Variants in PCDHGB4 observed in about 807,000 individuals in gnomAD.
PCDHGB4 encodes the protein protocadherin gamma-B4.
Under a neutral mutation model 60.5 loss-of-function variants are expected in PCDHGB4, and 38 were observed. The ratio of observed to expected loss-of-function variants is 0.63; its 90% confidence interval spans 0.48 to 0.82. The LOEUF (loss-of-function observed/expected upper bound fraction) is 0.82, where lower values mean the gene tolerates loss of function less well. Ranked by LOEUF, PCDHGB4 falls within the 40% of genes least tolerant of loss-of-function variation. The pLI is 0.00. For missense variants in PCDHGB4, 1,109 were observed against 1,209.6 expected, an observed-to-expected ratio of 0.92 and a Z score of 1.23; for synonymous variants, 456 against 509.7, an observed-to-expected ratio of 0.89 and a Z score of 1.42.
At chr5:141,502,400 C>T (rs964923206) in intron 2 of PCDHGB4, among the ~76,000 whole-genome samples, 2 of 151,748 alleles carry the variant, frequency 1.3e-5, no homozygotes, top group African/African-American at 4.8e-5. Flanking sequence ...AAAATGTCCC[C>T]GAACCTGGAT....
At chr5:141,507,380 C>G (rs984406173) in intron 3 of PCDHGB4, 1 of 151,954 alleles carries the variant, frequency 6.6e-6, no homozygotes, top group African/African-American at 2.4e-5. Flanking sequence ...CTTTTATTTA[C>G]TAAATCTGGC....
At chr5:141,417,900 G>T (rs563876979) in intron 1 of PCDHGB4, 1 of 1,583,452 alleles carries the variant, frequency 6.3e-7, no homozygotes, top group African/African-American at 1.3e-5. Flanking sequence ...GCCGGCCCGC[G>T]GCAGGTACTA....
intron 1 of PCDHGB4, chr5:141,403,278 T>C (rs1254967384): frequency 1.2e-6 from 2 of 1,613,784 alleles, no homozygotes; most frequent in Non-Finnish European, 1.7e-6. Context: ...TTTAAAGTCC[T>C]GGTTGAAGAC....
At position 141,431,667 on chromosome 5, in the gene PCDHGB4, C is replaced by T. The variant is rs759257105; in HGVS notation, c.2397+41386C>T. ...GATTGTAATTCAGGGACAATATCAA[C>T]AATAGGGGAGTTGGACCACGAGGAG... On this transcript the variant is annotated intron_variant, in intron 1 of 3. Coordinates refer to ENST00000519479, the MANE Select transcript of PCDHGB4 (RefSeq NM_003736.4). This position sits in a 1 kb window ranked among gnomAD's most constrained non-coding sequence, Gnocchi z 4.8. 1 of 1,614,226 alleles carries T rather than the reference C, an allele frequency of 6.2e-7. No individual in the cohort carries two copies. The highest frequency in any genetic ancestry group is 1.3e-5 in the African/African-American group (1 of 75,072).
intron 1 of PCDHGB4, among the ~76,000 whole-genome samples, chr5:141,447,104 A>G (rs1212797996): frequency 2.0e-5 from 3 of 151,958 alleles, no homozygotes; most frequent in African/African-American, 7.3e-5. Flanking sequence ...TCACATGATT[A>G]TATGTGCTCC....
chr5:141,455,162 T>G (rs1002208156), intron 1 of PCDHGB4, among the ~76,000 whole-genome samples: 5 of 150,972 alleles, frequency 3.3e-5, no homozygotes, highest in African/African-American at 7.3e-5. Context: ...GTTTGTTGGT[T>G]TTTTTTTTAG....
chr5:141,502,003 G>A (rs945565369), intron 2 of PCDHGB4, among the ~76,000 whole-genome samples: 17 of 151,966 alleles, frequency 1.1e-4, no homozygotes, highest in Admixed American at 1.1e-3. Flanking sequence ...CTGACAACCC[G>A]CATGCTCTCC....
chr5:141,509,233 AG>A (rs1204393769), intron 3 of PCDHGB4, among the ~76,000 whole-genome samples: 1 of 152,104 alleles, frequency 6.6e-6, no homozygotes, highest in Non-Finnish European at 1.5e-5. Context: ...TTGATGTCCC[AG>A]GATTACTCAG....
At chr5:141,407,622 A>G (rs2094961891) in intron 1 of PCDHGB4, among the ~76,000 whole-genome samples, 3 of 152,316 alleles carry the variant, frequency 2.0e-5, no homozygotes, top group South Asian at 2.1e-4. Context: ...TTGACATTCT[A>G]TATCTCGTAT....
chr5:141,409,248 T>A (rs779725312), intron 1 of PCDHGB4: 3 of 1,614,032 alleles, frequency 1.9e-6, no homozygotes, highest in South Asian at 2.2e-5. Context: ...GAAATAATCA[T>A]CACTTCTCTC....
intron 1 of PCDHGB4, among the ~76,000 whole-genome samples, chr5:141,453,176 C>A (rs1225418058): frequency 6.6e-6 from 1 of 152,042 alleles, no homozygotes; most frequent in African/African-American, 2.4e-5. Flanking sequence ...TCCAGTGGTA[C>A]AATCACAGCT....
Position 141,387,840 on chromosome 5 carries a change from C to A in PCDHGB4, c.-45C>A. On this transcript the variant is annotated 5_prime_UTR_variant, in exon 1 of 4. Coordinates refer to ENST00000519479, the MANE Select transcript of PCDHGB4 (RefSeq NM_003736.4). Reference sequence around the variant, plus strand: ...TCTGCAATACAGAGGTTATTTGTAACCCGGCGTCTCCAGGCTGGTGAGCAA... The same window carrying A: ...TCTGCAATACAGAGGTTATTTGTAAACCGGCGTCTCCAGGCTGGTGAGCAA... 1 of 1,597,864 alleles carries A rather than the reference C, an allele frequency of 6.3e-7. No homozygotes were observed. The highest frequency in any genetic ancestry group is 1.3e-5 in the African/African-American group (1 of 74,596).
At chr5:141,410,625 G>A (rs202058499) in intron 1 of PCDHGB4, 1 of 1,602,442 alleles carries the variant, frequency 6.2e-7, no homozygotes, top group Non-Finnish European at 8.5e-7. Flanking sequence ...ACTTCGGTGA[G>A]TTTCTCTTTT....
intron 1 of PCDHGB4, chr5:141,492,003 T>G: frequency 1.6e-6 from 1 of 626,972 alleles, no homozygotes; most frequent in Non-Finnish European, 2.6e-6. Context: ...TCGGGCGATT[T>G]CCGCGGGTGT....
At position 141,494,885 on chromosome 5, in the gene PCDHGB4, G is replaced by T; in HGVS notation, c.2456+20G>T. The T allele has an allele frequency of 6.8e-6, 11 of 1,614,082 alleles. No homozygotes were observed. The highest frequency in any genetic ancestry group is 8.5e-6 in the Non-Finnish European group (10 of 1,179,992). Reference sequence around the variant, plus strand: ...CAGCGGGTAGGTGACTGATTCTCCAGCCCACCCTCTTCTCTGCGGCATTTT... The same window carrying T: ...CAGCGGGTAGGTGACTGATTCTCCATCCCACCCTCTTCTCTGCGGCATTTT... On this transcript the variant is annotated intron_variant, in intron 2 of 3. Transcript: ENST00000519479.
At chr5:141,445,169 T>C (rs2098458681) in intron 1 of PCDHGB4, among the ~76,000 whole-genome samples, 3 of 152,320 alleles carry the variant, frequency 2.0e-5, no homozygotes, top group Non-Finnish European at 1.5e-5. Flanking sequence ...TACAGAAAAA[T>C]GAAAAACTAT....
Position 141,491,739 on chromosome 5 carries a change from C to A in PCDHGB4, c.2398-3068C>A, listed in dbSNP as rs372183034. ...CGCCGCCCCGGGCGACCCCTGGGGG[C>A]GGCACTGGAGAAGCCGCCCGTCCTC... On this transcript the variant is annotated intron_variant, in intron 1 of 3. Transcript: ENST00000519479. The surrounding 1 kb of genome is among the most constrained non-coding windows in gnomAD (Gnocchi z 6.9). 2 of 1,598,886 alleles carry A rather than the reference C, an allele frequency of 1.3e-6. No individual in the cohort carries two copies. The highest frequency in any genetic ancestry group is 1.3e-5 in the African/African-American group (1 of 74,290).
At chr5:141,421,870 G>A in intron 1 of PCDHGB4, 1 of 1,613,758 alleles carries the variant, frequency 6.2e-7, no homozygotes, top group Non-Finnish European at 8.5e-7. Flanking sequence ...CCTCCTCACA[G>A]CTTTAGATGG....
chr5:141,404,372 G>A (rs747130914), intron 1 of PCDHGB4: 7 of 1,613,844 alleles, frequency 4.3e-6, no homozygotes, highest in South Asian at 1.1e-5. Context: ...CATCTTCTCC[G>A]TGATTGCCTA....
Sources: gnomAD v4.1 joint callset for allele counts (sites outside exome capture counted in the v4.1 genomes callset) on GRCh38, gnomAD v4.1.1 for gene constraint, Gnocchi (gnomAD v3.1) non-coding constraint, MANE v1.5 for transcripts, NCBI Gene and HGNC (gene_info 2026-07-23, HGNC 2026-07-21) for gene names.